GYPE: variants seen among roughly 807,000 people sequenced by gnomAD.
The protein encoded by GYPE is glycophorin-E.
A neutral mutation model predicts 11.6 loss-of-function variants in GYPE; 8 were observed. The ratio of observed to expected loss-of-function variants is 0.69; its 90% CI spans 0.41 to 1.25. The LOEUF is 1.25. GYPE is among the 50% of genes most tolerant of loss of function. The probability of loss-of-function intolerance (pLI) is 0.01; values close to 1 mark genes in which losing one functional copy is unlikely to be tolerated. For synonymous variants in GYPE, 28 were observed against 29.6 expected, an observed-to-expected ratio of 0.94 and a Z score of 0.18; for missense variants, 90 against 92.8, an observed-to-expected ratio of 0.97 and a Z score of 0.12.
intron 1 of GYPE, among the ~76,000 whole-genome samples, chr4:143,901,858 A>C (rs1353101770): frequency 6.6e-6 from 1 of 152,006 alleles, no homozygotes; most frequent in Non-Finnish European, 1.5e-5. Context: ...TTGAGATACC[A>C]TCCCTACTTT....
chr4:143,900,807 T>A (rs920518659), intron 1 of GYPE, among the ~76,000 whole-genome samples: 10 of 152,028 alleles, frequency 6.6e-5, no homozygotes, highest in African/African-American at 2.4e-4. Context: ...AGAAAACAAA[T>A]TAGTGGTTTC....
chr4:143,897,469 TA>T (rs1744695084), intron 1 of GYPE, among the ~76,000 whole-genome samples: 1 of 151,806 alleles, frequency 6.6e-6, no homozygotes, highest in Non-Finnish European at 1.5e-5. Context: ...ATCTTGTCTC[TA>T]AAAAAAATTA....
chr4:143,885,487 T>G (rs1744197461), intron 1 of GYPE, among the ~76,000 whole-genome samples: 1 of 152,092 alleles, frequency 6.6e-6, no homozygotes, highest in Non-Finnish European at 1.5e-5. Context: ...GGTGGAAATT[T>G]TGTTCTGAAG....
intron 3 of GYPE, among the ~76,000 whole-genome samples, chr4:143,876,270 C>T (rs528119786): frequency 2.0e-5 from 3 of 152,078 alleles, no homozygotes; most frequent in Admixed American, 6.6e-5. Flanking sequence ...TGCACCACCA[C>T]GCCTTTCTAA....
At chr4:143,890,493 T>C (rs182427736) in intron 1 of GYPE, among the ~76,000 whole-genome samples, 119 of 152,358 alleles carry the variant, frequency 7.8e-4, no homozygotes, top group African/African-American at 2.7e-3. Context: ...CTTTCTCTGG[T>C]TGAACAATAC....
intron 1 of GYPE, among the ~76,000 whole-genome samples, chr4:143,896,550 T>A (rs1322310026): frequency 6.6e-6 from 1 of 150,432 alleles, no homozygotes; most frequent in Admixed American, 6.6e-5. Flanking sequence ...CACTTTTACA[T>A]TGTTGGTGGG....
intron 1 of GYPE, among the ~76,000 whole-genome samples, chr4:143,896,126 G>A (rs1744621060): frequency 6.6e-6 from 1 of 152,154 alleles, no homozygotes; most frequent in African/African-American, 2.4e-5. Context: ...AACACCAAAA[G>A]CAATGGCAAC....
rs55676435 is a variant in GYPE, at chr4:143,877,321, A to C, written c.137-466T>G. Among the ~76,000 whole-genome samples the C allele has an allele frequency of 9.8e-3, 1,497 of 152,316 alleles. 21 individuals carry two copies. The highest frequency in any genetic ancestry group is 0.034 in the African/African-American group (1,402 of 41,566). On this transcript the variant is annotated intron_variant, in intron 2 of 3. Coordinates refer to ENST00000358615, the MANE Select transcript of GYPE (RefSeq NM_198682.3). ...ACTGGTATAAACAGTTTACAAATGA[A>C]GAAAAGAAGCTGAATAAGGTTAACT... is the stretch of plus-strand genomic sequence containing the variant.
At chr4:143,874,507 T>A (rs4240335) in intron 3 of GYPE, among the ~76,000 whole-genome samples, 5 of 152,092 alleles carry the variant, frequency 3.3e-5, no homozygotes, top group Admixed American at 1.3e-4. Flanking sequence ...ATGCAGATGC[T>A]GAACATAGCA....
intron 1 of GYPE, among the ~76,000 whole-genome samples, chr4:143,905,029 G>A (rs1745007981): frequency 6.6e-6 from 1 of 152,014 alleles, no homozygotes; most frequent in African/African-American, 2.4e-5. Flanking sequence ...CACGGTTTCA[G>A]TGTTCATGCT....
At chr4:143,875,857 C>T (rs890963953) in intron 3 of GYPE, among the ~76,000 whole-genome samples, 3 of 151,796 alleles carry the variant, frequency 2.0e-5, no homozygotes, top group African/African-American at 7.3e-5. Flanking sequence ...ACCTGTAGTC[C>T]CAACTACTGT....
chr4:143,896,829 A>G (rs11947537), intron 1 of GYPE, among the ~76,000 whole-genome samples: 93,745 of 152,062 alleles, frequency 0.62, 29,607 homozygotes, highest in East Asian at 0.77. Context: ...ATGCGGCCAT[A>G]AAAAAGGATG....
At chr4:143,892,395 T>C (rs1744443736) in intron 1 of GYPE, among the ~76,000 whole-genome samples, 1 of 150,898 alleles carries the variant, frequency 6.6e-6, no homozygotes, top group South Asian at 2.1e-4. Flanking sequence ...CTTTTAATTG[T>C]GATGTTAGGG....
chr4:143,901,306 C>T (rs971086057), intron 1 of GYPE, among the ~76,000 whole-genome samples: 2 of 152,072 alleles, frequency 1.3e-5, no homozygotes, highest in African/African-American at 2.4e-5. Context: ...AAATGAAAGA[C>T]TTCTTAGAAA....
At chr4:143,902,452 A>C (rs1040665831) in intron 1 of GYPE, among the ~76,000 whole-genome samples, 26 of 151,964 alleles carry the variant, frequency 1.7e-4, no homozygotes, top group African/African-American at 4.4e-4. Flanking sequence ...TGATCTGTCT[A>C]TGCGGAGCAC....
chr4:143,878,903 C>G (rs1221918298), intron 2 of GYPE, among the ~76,000 whole-genome samples: 1 of 152,014 alleles, frequency 6.6e-6, no homozygotes, highest in Non-Finnish European at 1.5e-5. Context: ...TCATGGATGA[C>G]AAATAAGCAA....
intron 1 of GYPE, among the ~76,000 whole-genome samples, chr4:143,894,481 G>A (rs1744548220): frequency 6.6e-6 from 1 of 151,728 alleles, no homozygotes; most frequent in Admixed American, 6.6e-5. Flanking sequence ...TGTACAGATG[G>A]GTTTTTGGTG....
At chr4:143,900,091 T>G (rs1039070933) in intron 1 of GYPE, among the ~76,000 whole-genome samples, 2 of 151,242 alleles carry the variant, frequency 1.3e-5, no homozygotes, top group African/African-American at 4.9e-5. Context: ...CTCTTACAAC[T>G]TAGCAACAGA....
chr4:143,877,541 A>G (rs1403955631), intron 2 of GYPE, among the ~76,000 whole-genome samples: 2 of 152,216 alleles, frequency 1.3e-5, no homozygotes, highest in Non-Finnish European at 2.9e-5. Flanking sequence ...TATTTATAGC[A>G]TATTTGTAGT....
Sources: gnomAD v4.1 joint callset for allele counts (sites outside exome capture counted in the v4.1 genomes callset) on GRCh38, gnomAD v4.1.1 for gene constraint, MANE v1.5 for transcripts, NCBI Gene and HGNC (gene_info 2026-07-23, HGNC 2026-07-21) for gene names.